KAZN: variants seen among roughly 807,000 people sequenced by gnomAD.
KAZN encodes kazrin.
A neutral mutation model predicts 87.4 loss-of-function variants in KAZN; 40 were observed. That is an observed-to-expected ratio of 0.46 (90% CI 0.36 to 0.60). The LOEUF is 0.60. Ranked by LOEUF, KAZN falls within the 20% of genes least tolerant of loss-of-function variation. The pLI is 0.00. For synonymous variants in KAZN, 466 were observed against 458.3 expected (o/e 1.02, Z -0.22); for missense variants, 898 against 1,073.9 (o/e 0.84, Z 2.29).
At chr1:14,176,579 C>T (rs957057099) in intron 1 of KAZN, among the ~76,000 whole-genome samples, 1 of 152,096 alleles carries the variant, frequency 6.6e-6, no homozygotes, top group Non-Finnish European at 1.5e-5. Flanking sequence ...CTTTCTAGTC[C>T]ATCCTTCTCT....
intron 2 of KAZN, among the ~76,000 whole-genome samples, chr1:14,424,280 C>T (rs1004502786): frequency 2.6e-5 from 4 of 152,208 alleles, no homozygotes; most frequent in East Asian, 1.9e-4. Flanking sequence ...TTACACTTCA[C>T]GTAAGTTGCT....
intron 2 of KAZN, among the ~76,000 whole-genome samples, chr1:14,995,627 TA>T (rs59636200): frequency 0.2 from 27,470 of 135,386 alleles, 2,529 homozygotes; most frequent in Middle Eastern, 0.27. Context: ...CCACCTCAAA[TA>T]AAAAAAAAAA....
intron 1 of KAZN, among the ~76,000 whole-genome samples, chr1:14,948,812 G>A (rs978728413): frequency 2.0e-5 from 3 of 152,066 alleles, no homozygotes; most frequent in Non-Finnish European, 4.4e-5. Context: ...CAGCCCACCT[G>A]ACTTGTGATG....
intron 1 of KAZN, among the ~76,000 whole-genome samples, chr1:14,129,774 T>G (rs1338906173): frequency 4.9e-4 from 75 of 151,940 alleles, no homozygotes; most frequent in Non-Finnish European, 2.4e-4. Context: ...GAAGAGTGAG[T>G]GAGCGAGTGA....
chr1:14,701,541 G>A (rs530260927), intron 1 of KAZN, among the ~76,000 whole-genome samples: 2 of 152,286 alleles, frequency 1.3e-5, no homozygotes, highest in South Asian at 2.1e-4. Context: ...GCCTATAATC[G>A]CAGCACTTTG....
intron 1 of KAZN, among the ~76,000 whole-genome samples, chr1:14,163,704 C>T (rs1190237032): frequency 6.6e-6 from 1 of 152,178 alleles, no homozygotes; most frequent in Non-Finnish European, 1.5e-5. Flanking sequence ...ATCACCATCA[C>T]CTGATGGTTG....
intron 1 of KAZN, among the ~76,000 whole-genome samples, chr1:13,955,923 G>A (rs1469860293): frequency 6.6e-6 from 1 of 152,144 alleles, no homozygotes; most frequent in Non-Finnish European, 1.5e-5. Context: ...GCCCATGATT[G>A]TAGAGTCACG....
At chr1:14,759,485 A>G (rs572396194) in intron 1 of KAZN, among the ~76,000 whole-genome samples, 7 of 152,258 alleles carry the variant, frequency 4.6e-5, no homozygotes, top group Middle Eastern at 6.8e-3. Context: ...TATTTTGATA[A>G]CCTTCCTTGA....
In KAZN at chr1:14,949,874, G is replaced by A. The variant is rs1430456966; in HGVS notation, c.227-10810G>A. ...GCTGGGTGGGCCCATCTCCCCATGG[G>A]AACTCTGGGCAGCAAGATGGTAGAA... is the stretch of plus-strand genomic sequence containing the variant. On this transcript the variant is annotated intron_variant, in intron 1 of 14. Transcript: ENST00000376030. This position sits in a 1 kb window ranked among gnomAD's most constrained non-coding sequence, Gnocchi z 4.3. 6.7e-6 allele frequency among the ~76,000 whole-genome samples: 1 copy of A among 149,414 alleles called. No individual in the cohort carries two copies. The highest frequency in any genetic ancestry group is 2.5e-5 in the African/African-American group (1 of 40,448).
At chr1:15,113,309 T>A (rs1173106015) in intron 14 of KAZN, 1 of 152,188 alleles carries the variant, frequency 6.6e-6, no homozygotes, top group Non-Finnish European at 1.5e-5. Context: ...AAATTCTTAT[T>A]CTTTCTATGT....
chr1:14,488,637 GGCT>G (rs1444623891), intron 2 of KAZN, among the ~76,000 whole-genome samples: 2 of 152,178 alleles, frequency 1.3e-5, no homozygotes, highest in African/African-American at 2.4e-5. Flanking sequence ...TTCAATCACA[GGCT>G]GCTTTTTTCA....
intron 2 of KAZN, among the ~76,000 whole-genome samples, chr1:14,328,646 T>G (rs1281977860): frequency 6.7e-6 from 1 of 149,616 alleles, no homozygotes; most frequent in Non-Finnish European, 1.5e-5. Context: ...GAGCTTGTAG[T>G]GAGCCGAGAT....
intron 1 of KAZN, among the ~76,000 whole-genome samples, chr1:14,024,537 T>A (rs1313247812): frequency 6.6e-6 from 1 of 152,174 alleles, no homozygotes; most frequent in African/African-American, 2.4e-5. Context: ...ATTCTGCCCC[T>A]CTCCTTGTGA....
intron 1 of KAZN, among the ~76,000 whole-genome samples, chr1:14,717,567 C>T (rs1182911051): frequency 6.6e-6 from 1 of 152,146 alleles, no homozygotes; most frequent in African/African-American, 2.4e-5. Flanking sequence ...AAGAACACGC[C>T]CATTGGATTT....
At position 14,263,379 on chromosome 1, in the gene KAZN, T is replaced by TA. The variant is rs1440616928; in HGVS notation, c.249+82791dup. On this transcript the variant is annotated intron_variant, in intron 2 of 16. Coordinates refer to the KAZN transcript ENST00000636203. ...TGTTCCTCATTTTTAGATGGCAAGC[T>TA]AAAATGTCACAGGGTGTGCTCTCAG... Among the ~76,000 whole-genome samples the TA allele has an allele frequency of 2.6e-5, 4 of 152,206 alleles. 1 individual carries two copies. Among genetic ancestry groups the TA allele is most frequent in the African/African-American group, 9.6e-5 (4 of 41,456 alleles).
At chr1:14,774,225 C>T (rs762701265) in intron 1 of KAZN, among the ~76,000 whole-genome samples, 1 of 152,178 alleles carries the variant, frequency 6.6e-6, no homozygotes, top group Non-Finnish European at 1.5e-5. Context: ...AACTCCAGCT[C>T]TGTGGTCCCG....
intron 1 of KAZN, among the ~76,000 whole-genome samples, chr1:14,891,993 A>G (rs1241426084): frequency 6.6e-6 from 1 of 152,086 alleles, no homozygotes; most frequent in East Asian, 1.9e-4. Context: ...TATGACCCAG[A>G]AGCTACTGGA....
At chr1:14,366,042 G>A (rs1359301044) in intron 2 of KAZN, among the ~76,000 whole-genome samples, 1 of 152,156 alleles carries the variant, frequency 6.6e-6, no homozygotes, top group Non-Finnish European at 1.5e-5. Context: ...CAGCAAATCT[G>A]GTGACATAAT....
chr1:14,428,808 T>G (rs1415194317), intron 2 of KAZN, among the ~76,000 whole-genome samples: 2 of 152,216 alleles, frequency 1.3e-5, no homozygotes, highest in Admixed American at 1.3e-4. Context: ...CCCCCATGAT[T>G]CAATTATCTC....
Sources: gnomAD v4.1 joint callset for allele counts (sites outside exome capture counted in the v4.1 genomes callset) on GRCh38, gnomAD v4.1.1 for gene constraint, Gnocchi (gnomAD v3.1) non-coding constraint, MANE v1.5 for transcripts, NCBI Gene and HGNC (gene_info 2026-07-23, HGNC 2026-07-21) for gene names.